The following DOCK4 variants were observed in gnomAD, a reference collection of about 807,000 sequenced individuals.
The protein encoded by DOCK4 is dedicator of cytokinesis protein 4.
In DOCK4, 97 loss-of-function variants were observed where a neutral mutation model predicts 268.1. The observed-to-expected ratio is 0.36, with a 90% CI of 0.31 to 0.43. The LOEUF (loss-of-function observed/expected upper bound fraction) is 0.43, where lower values mean the gene tolerates loss of function less well. Among genes scored for constraint, DOCK4 ranks in the 20% least tolerant of loss-of-function variants. DOCK4 has a pLI of 1.00. For synonymous variants in DOCK4, 954 were observed against 887.2 expected (o/e 1.08, Z -1.34); for missense variants, 2,145 against 2,455.7 (o/e 0.87, Z 2.67).
intron 23 of DOCK4, among the ~76,000 whole-genome samples, chr7:111,861,853 A>C (rs1320411502): frequency 1.3e-5 from 2 of 151,768 alleles, no homozygotes; most frequent in Non-Finnish European, 2.9e-5. Context: ...AAAATTTGTA[A>C]AGAAGAAAAA....
At chr7:112,148,338 CAT>C (rs1815713209) in intron 1 of DOCK4, among the ~76,000 whole-genome samples, 1 of 152,156 alleles carries the variant, frequency 6.6e-6, no homozygotes, top group South Asian at 2.1e-4. Flanking sequence ...CCAGGACTAA[CAT>C]AGAACCAACC....
At position 111,945,765 on chromosome 7, in the gene DOCK4, C is replaced by T. The variant is rs1428488116; in HGVS notation, c.735G>A (p.Gly245=). 3 of 1,597,196 alleles carry T rather than the reference C, an allele frequency of 1.9e-6. No individual in the cohort carries two copies. The highest frequency in any genetic ancestry group is 2.3e-5 in the East Asian group (1 of 44,408). Residue 245 remains glycine, a synonymous_variant, in exon 9 of 53, where the codon GGG becomes GGA. Coordinates refer to ENST00000428084, the MANE Select transcript of DOCK4 (RefSeq NM_001363540.2). ...CCGGTTTATCAGGGGCTTTGGGAAG[C>T]CCGTTTCTATTCAGCCTCAAGAAAA... is the stretch of plus-strand genomic sequence containing the variant. The part of the protein sequence containing the change: ...ERFFLRLNRN[G]LPKAPDKPER...
Position 112,180,482 on chromosome 7 carries a change from C to T in DOCK4, c.37+25620G>A, listed in dbSNP as rs1818927970. 1.3e-5 allele frequency among the ~76,000 whole-genome samples: 2 copies of T among 152,162 alleles called. 1 individual carries two copies. Among genetic ancestry groups the T allele is most frequent in the Admixed American group, 1.3e-4 (2 of 15,276 alleles). On this transcript the variant is annotated intron_variant, in intron 1 of 52. Transcript: ENST00000428084. ...AGTTTGGAAGTAAGTGTGAGTTGGT[C>T]CTCTGCAGCCAAAGTACTCAGAAAT...
intron 27 of DOCK4, chr7:111,819,430 T>G (rs1801812387): frequency 6.6e-6 from 1 of 152,314 alleles, no homozygotes; most frequent in East Asian, 1.9e-4. Flanking sequence ...CAGGGGGTCA[T>G]GAGATAGCTC....
At chr7:111,847,157 C>T in intron 23 of DOCK4, 31 bp from the exon 24 acceptor site, 1 of 1,612,438 alleles carries the variant, frequency 6.2e-7, no homozygotes, top group Non-Finnish European at 8.5e-7. Context: ...AGTGTCACAT[C>T]TGTTGGAGTC....
chr7:111,859,109 C>T (rs1164924954), intron 23 of DOCK4, among the ~76,000 whole-genome samples: 5 of 152,170 alleles, frequency 3.3e-5, no homozygotes, highest in Non-Finnish European at 5.9e-5. Flanking sequence ...TTCTCAACCC[C>T]CTGGGCTCAA....
At position 111,790,477 on chromosome 7, in the gene DOCK4, G is replaced by A. The variant is rs1373465216; in HGVS notation, c.3295C>T (p.Arg1099Trp). The A allele has an allele frequency of 8.7e-6, 14 of 1,613,794 alleles. No individual in the cohort carries two copies. In the East Asian group the frequency reaches 1.3e-4, roughly 15 times the overall value. Residue 1099 changes from arginine (R) to tryptophan (W), a missense_variant, in exon 31 of 53, where the codon CGG becomes TGG. Around this residue, in one of 2 missense-constraint regions of DOCK4, gnomAD observed 1,598 missense variants for 1,986.7 expected, o/e 0.80. Coordinates refer to ENST00000428084, the MANE Select transcript of DOCK4 (RefSeq NM_001363540.2). The part of the protein sequence containing the change: ...FHDMMDWEQR[R>W]SGNFKQVEAK... The stretch of plus-strand genomic sequence containing the variant: ...CCTACCTGTTTAAAGTTGCCACTCC[G>A]CCTCTGCTCCCAGTCCATCATATCA...
At chr7:111,786,374 G>A (rs1799165910) in intron 32 of DOCK4, among the ~76,000 whole-genome samples, 1 of 151,976 alleles carries the variant, frequency 6.6e-6, no homozygotes, top group South Asian at 2.1e-4. Context: ...GAATCAGGTG[G>A]AGCCAGGGGA....
intron 35 of DOCK4, among the ~76,000 whole-genome samples, chr7:111,780,377 A>C (rs1485561141): frequency 2.0e-5 from 3 of 152,208 alleles, no homozygotes; most frequent in African/African-American, 7.2e-5. Context: ...TTATAACCAA[A>C]ATCATTTTAA....
chr7:111,858,012 C>G (rs955890751), intron 23 of DOCK4, among the ~76,000 whole-genome samples: 2 of 152,148 alleles, frequency 1.3e-5, no homozygotes, highest in African/African-American at 2.4e-5. Flanking sequence ...CAAAAGTTAT[C>G]TGTGTCCTTT....
intron 1 of DOCK4, among the ~76,000 whole-genome samples, chr7:112,065,439 T>A (rs1384599868): frequency 6.6e-6 from 1 of 151,758 alleles, no homozygotes; most frequent in Non-Finnish European, 1.5e-5. Flanking sequence ...ACCACAATTT[T>A]AATTATTATT....
At chr7:111,933,222 G>GTATATACACATATATACGTATATATACA (rs1794380397) in intron 12 of DOCK4, among the ~76,000 whole-genome samples, 5 of 123,776 alleles carry the variant, frequency 4.0e-5, no homozygotes, top group Non-Finnish European at 6.8e-5. Flanking sequence ...ACATATATAC[G>GTATATACACATATATACGTATATATACA]TATATACACA....
intron 12 of DOCK4, among the ~76,000 whole-genome samples, chr7:111,923,746 T>C (rs1458359114): frequency 2.6e-5 from 4 of 152,230 alleles, no homozygotes; most frequent in African/African-American, 9.6e-5. Flanking sequence ...CTACTAGATG[T>C]ATGCTGGTCT....
intron 1 of DOCK4, 34 bp downstream of exon 1, chr7:112,206,068 G>T: frequency 6.4e-7 from 1 of 1,563,444 alleles, no homozygotes; most frequent in Non-Finnish European, 8.7e-7. Context: ...GCTCGGGCCA[G>T]AGCAGAATAA....
chr7:111,743,904 C>T (rs375515294), intron 44 of DOCK4, among the ~76,000 whole-genome samples: 5 of 152,308 alleles, frequency 3.3e-5, no homozygotes, highest in South Asian at 4.1e-4. Flanking sequence ...ACTGCAACCT[C>T]GAACTCCTGG....
intron 31 of DOCK4, chr7:111,789,238 C>T (rs943306069): frequency 5.4e-5 from 9 of 167,208 alleles, no homozygotes; most frequent in East Asian, 1.5e-4. Context: ...GCCTTACCCA[C>T]GTACAGATGG....
chr7:112,122,991 G>A (rs1486027303), intron 1 of DOCK4, among the ~76,000 whole-genome samples: 1 of 152,116 alleles, frequency 6.6e-6, no homozygotes, highest in Non-Finnish European at 1.5e-5. Context: ...AATTACTCAG[G>A]GCAAAGGCAT....
At chr7:111,849,262 C>CTTTTTT (rs200312873) in intron 23 of DOCK4, among the ~76,000 whole-genome samples, 1 of 133,366 alleles carries the variant, frequency 7.5e-6, no homozygotes, top group Admixed American at 7.6e-5. Context: ...TTCCTAGTTA[C>CTTTTTT]TTTTTTTTTT....
chr7:111,804,035 C>T (rs1253372401), intron 30 of DOCK4, among the ~76,000 whole-genome samples: 1 of 152,018 alleles, frequency 6.6e-6, no homozygotes, highest in Non-Finnish European at 1.5e-5. Context: ...GAGAACAGTT[C>T]CTCAAAAAAT....
Sources: gnomAD v4.1 joint callset for allele counts (sites outside exome capture counted in the v4.1 genomes callset) on GRCh38, gnomAD v4.1.1 for gene constraint, gnomAD v4.1.1 regional missense constraint, MANE v1.5 for transcripts, NCBI Gene and HGNC (gene_info 2026-07-23, HGNC 2026-07-21) for gene names.